ZCRB1: variants seen among roughly 807,000 people sequenced by gnomAD.
The protein encoded by ZCRB1 is zinc finger CCHC-type and RNA-binding motif-containing protein 1.
Under a neutral mutation model 29.9 loss-of-function variants are expected in ZCRB1, and 21 were observed. The observed-to-expected ratio is 0.70, with a 90% CI of 0.50 to 1.01. The LOEUF is 1.01. Among genes scored for constraint, ZCRB1 ranks in the 50% least tolerant of loss-of-function variants. ZCRB1 has a pLI of 0.00. For missense variants in ZCRB1, 204 were observed against 253.3 expected, an observed-to-expected ratio of 0.81 and a Z score of 1.32; for synonymous variants, 77 against 80.0, an observed-to-expected ratio of 0.96 and a Z score of 0.20.
At chr12:42,314,072 G>A (rs2068582621) in intron 5 of ZCRB1, 86 bp from the exon 6 acceptor site, 2 of 1,415,134 alleles carry the variant, frequency 1.4e-6, no homozygotes, top group Non-Finnish European at 1.9e-6. Flanking sequence ...TTACTAAAAA[G>A]TTTTCAAATT....
intron 5 of ZCRB1, among the ~76,000 whole-genome samples, chr12:42,317,125 T>C (rs1012044910): frequency 7.9e-5 from 12 of 152,144 alleles, no homozygotes; most frequent in African/African-American, 1.9e-4. Flanking sequence ...GGAGGATCAG[T>C]TGGGCCCGGG....
intron 1 of ZCRB1, among the ~76,000 whole-genome samples, chr12:42,325,000 A>C (rs2068673121): frequency 6.6e-6 from 1 of 152,228 alleles, no homozygotes; most frequent in South Asian, 2.1e-4. Context: ...CACAGGGTGT[A>C]CTGAGACAAA....
At chr12:42,321,019 T>C (rs1395416549) in intron 3 of ZCRB1, among the ~76,000 whole-genome samples, 1 of 152,208 alleles carries the variant, frequency 6.6e-6, no homozygotes, top group African/African-American at 2.4e-5. Flanking sequence ...TTATTTTCTC[T>C]TGCCACAGGG....
At chr12:42,317,140 A>G (rs114229938) in intron 5 of ZCRB1, among the ~76,000 whole-genome samples, 200 bp downstream of exon 5, 1,845 of 152,306 alleles carry the variant, frequency 0.012, 41 homozygotes, top group African/African-American at 0.042. Flanking sequence ...CCCGGGAGGT[A>G]GAGGCTGCAG....
rs117642758 is a variant in ZCRB1, at chr12:42,315,992, G to C, written c.333+1348C>G. Among the ~76,000 whole-genome samples, 914 of 152,190 alleles carry C rather than the reference G, an allele frequency of 6.0e-3. 35 individuals are homozygous for C. In the East Asian group the frequency reaches 0.084, roughly 14 times the overall value. On this transcript the variant is annotated intron_variant, in intron 5 of 7. Coordinates refer to ENST00000266529, the MANE Select transcript of ZCRB1 (RefSeq NM_033114.4). ...GTAGAGGACCTCAAGCCATTTCCTT[G>C]CATCTTCCATGTGATTTTGTAGCCA...
At chr12:42,313,590 G>A (rs915088017) in intron 7 of ZCRB1, 100 bp downstream of exon 7, 8 of 1,275,750 alleles carry the variant, frequency 6.3e-6, no homozygotes, top group South Asian at 1.4e-5. Context: ...GGAGGTTAGG[G>A]GGAAAAAGAG....
Position 42,318,572 on chromosome 12 carries a change from C to T in ZCRB1, c.114-674G>A, listed in dbSNP as rs1359760386. Among the ~76,000 whole-genome samples, 4 of 152,184 alleles carry T rather than the reference C, an allele frequency of 2.6e-5. No individual in the cohort carries two copies. In the East Asian group the frequency reaches 7.7e-4, roughly 29 times the overall value. On this transcript the variant is annotated intron_variant, in intron 3 of 7. Coordinates refer to ENST00000266529, the MANE Select transcript of ZCRB1 (RefSeq NM_033114.4). ...GCACAGAGCCTGCTCTTTCTCCTGC[C>T]CCATCCACATCCCTAGTCATGGAGG...
At chr12:42,325,044 A>T (rs1485481012) in intron 1 of ZCRB1, among the ~76,000 whole-genome samples, 1 of 152,254 alleles carries the variant, frequency 6.6e-6, no homozygotes, top group African/African-American at 2.4e-5. Flanking sequence ...CCTAGGCTAC[A>T]ACCTGTACAG....
chr12:42,325,848 G>C (rs185230461), intron 1 of ZCRB1, 76 bp downstream of exon 1: 1 of 152,642 alleles, frequency 6.6e-6, no homozygotes, highest in Admixed American at 6.5e-5. Flanking sequence ...CGGGAGAGAG[G>C]GGCAGAGCGT....
rs71084639 is a variant in ZCRB1 at position 42,314,397 on chromosome 12, TAAAAAAAAAA to T, written c.334-421_334-412del. On this transcript the variant is annotated intron_variant, in intron 5 of 7. Transcript: ENST00000266529. Reference sequence around the variant, plus strand: ...CAAAATGGTGAAATCCCGTCTCTACTAAAAAAAAAAAAAAAAAAAAAAAAAAAAAAAAAAT... The same window carrying T: ...CAAAATGGTGAAATCCCGTCTCTACTAAAAAAAAAAAAAAAAAAAAAAAAT... Among the ~76,000 whole-genome samples the T allele has an allele frequency of 4.7e-4, 13 of 27,756 alleles. 1 individual carries two copies. The highest frequency in any genetic ancestry group is 1.9e-3 in the South Asian group (1 of 536). 18.2% of individuals were successfully genotyped at this position (27,756 alleles called of 152,430 possible). A position where few individuals can be genotyped will look rare whatever the true frequency, so the allele number is the denominator to read the frequency against.
Position 42,312,875 on chromosome 12 carries a change from T to G in ZCRB1, c.*192A>C. 2 of 487,486 alleles carry G rather than the reference T, an allele frequency of 4.1e-6. No homozygotes were observed. The highest frequency in any genetic ancestry group is 2.0e-5 in the African/African-American group (1 of 49,820). The allele number at this position is 487,486 out of a possible 1,614,324, so 30.2% of individuals were successfully genotyped here. On this transcript the variant is annotated 3_prime_UTR_variant, in exon 8 of 8. Transcript: ENST00000266529. ...TAAGGATTAATTTCAGAAGTCCTCA[T>G]GTAAACAAATCAGGCATGAATAAAG... is the stretch of plus-strand genomic sequence containing the variant.
chr12:42,317,335 C>T lies in ZCRB1; in HGVS notation c.333+5G>A. On this transcript the variant is annotated splice_donor_5th_base_variant and intron_variant, in intron 5 of 7. Transcript: ENST00000266529. Reference sequence around the variant, plus strand: ...AAAGTTCCATTAAGTTTTAGGTTTACTTACCCCACATTCATAACACTTAGA... The same window carrying T: ...AAAGTTCCATTAAGTTTTAGGTTTATTTACCCCACATTCATAACACTTAGA... 6.3e-7 allele frequency: 1 copy of T among 1,593,876 alleles called. No individual in the cohort carries two copies. The highest frequency in any genetic ancestry group is 1.1e-5 in the South Asian group (1 of 87,386).
intron 4 of ZCRB1, 101 bp from the exon 5 acceptor site, chr12:42,317,548 A>C: frequency 9.5e-7 from 1 of 1,053,126 alleles, no homozygotes; most frequent in South Asian, 1.7e-5. Context: ...TTTATTTTGG[A>C]TTTTTTAGCA....
At chr12:42,316,051 C>T (rs2068593137) in intron 5 of ZCRB1, among the ~76,000 whole-genome samples, 1 of 152,020 alleles carries the variant, frequency 6.6e-6, no homozygotes, top group South Asian at 2.1e-4. Flanking sequence ...CTCCCCAGTT[C>T]CCCATTACTA....
At chr12:42,322,665 T>C (rs183258184) in intron 2 of ZCRB1, among the ~76,000 whole-genome samples, 2 of 152,290 alleles carry the variant, frequency 1.3e-5, no homozygotes, top group East Asian at 3.9e-4. Flanking sequence ...AATTTGACAA[T>C]GGAGTAAATA....
chr12:42,313,245 T>C (rs1216606378), intron 7 of ZCRB1, 47 bp from the exon 8 acceptor site: 1 of 1,565,544 alleles, frequency 6.4e-7, no homozygotes, highest in South Asian at 1.2e-5. Flanking sequence ...TTTAATATTA[T>C]TTATGGTTCA....
chr12:42,320,018 G>A (rs2068613711), intron 3 of ZCRB1, among the ~76,000 whole-genome samples: 1 of 151,996 alleles, frequency 6.6e-6, no homozygotes, highest in African/African-American at 2.4e-5. Context: ...CTTTGATAGA[G>A]ATACCTTCTG....
At chr12:42,324,954 T>C (rs1216107588) in intron 1 of ZCRB1, among the ~76,000 whole-genome samples, 1 of 152,232 alleles carries the variant, frequency 6.6e-6, no homozygotes, top group African/African-American at 2.4e-5. Flanking sequence ...GAAGGAGGTA[T>C]GTTCTGAGTG....
chr12:42,313,602 G>C, intron 7 of ZCRB1, 88 bp downstream of exon 7: 1 of 1,372,800 alleles, frequency 7.3e-7, no homozygotes, highest in Non-Finnish European at 1.0e-6. Context: ...GAAAAAGAGA[G>C]GTTGCCATGA....
Sources: gnomAD v4.1 joint callset for allele counts (sites outside exome capture counted in the v4.1 genomes callset) on GRCh38, gnomAD v4.1.1 for gene constraint, MANE v1.5 for transcripts, NCBI Gene and HGNC (gene_info 2026-07-23, HGNC 2026-07-21) for gene names.